ADGRB3: variants seen among roughly 807,000 people sequenced by gnomAD.
ADGRB3 encodes the protein adhesion G protein-coupled receptor B3.
Under a neutral mutation model 193.4 loss-of-function variants are expected in ADGRB3, and 37 were observed. That is an observed-to-expected ratio of 0.19 (90% CI 0.15 to 0.25). The LOEUF (loss-of-function observed/expected upper bound fraction) is 0.25, where lower values mean the gene tolerates loss of function less well. Ranked by LOEUF, ADGRB3 falls within the 10% of genes least tolerant of loss-of-function variation. The pLI is 1.00. For synonymous variants in ADGRB3, 690 were observed against 644.2 expected, an observed-to-expected ratio of 1.07 and a Z score of -1.08; for missense variants, 1,637 against 1,852.9, an observed-to-expected ratio of 0.88 and a Z score of 2.14.
Position 69,211,157 on chromosome 6 carries a change from A to G in ADGRB3, c.2481-22133A>G, listed in dbSNP as rs1765659389. On this transcript the variant is annotated intron_variant, in intron 17 of 31. Coordinates refer to ENST00000370598, the MANE Select transcript of ADGRB3 (RefSeq NM_001704.3). ...AAAGAAATATAAGCAGAAGTTGTGT[A>G]TGTGACTTTCAGGACATATTCTTAA... Among the ~76,000 whole-genome samples, 2 of 152,120 alleles carry G rather than the reference A, an allele frequency of 1.3e-5. 1 individual carries two copies. Among genetic ancestry groups the G allele is most frequent in the South Asian group, 4.1e-4 (2 of 4,832 alleles).
At chr6:68,968,272 C>T (rs1768443549) in intron 8 of ADGRB3, among the ~76,000 whole-genome samples, 1 of 152,206 alleles carries the variant, frequency 6.6e-6, no homozygotes, top group South Asian at 2.1e-4. Flanking sequence ...TTTGCAATGA[C>T]CACATTTTCT....
At chr6:69,224,370 T>C (rs1253845146) in intron 17 of ADGRB3, among the ~76,000 whole-genome samples, 1 of 152,162 alleles carries the variant, frequency 6.6e-6, no homozygotes, top group African/African-American at 2.4e-5. Context: ...TTTAGTTAAA[T>C]AATTCTGCTT....
intron 24 of ADGRB3, 121 bp from the exon 25 acceptor site, chr6:69,338,795 A>G: frequency 1.2e-6 from 1 of 810,146 alleles, no homozygotes; most frequent in Non-Finnish European, 2.1e-6. Context: ...TAGAGCATAC[A>G]TTTTTGATAA....
intron 17 of ADGRB3, among the ~76,000 whole-genome samples, chr6:69,090,697 A>C (rs1164930644): frequency 6.6e-6 from 1 of 152,330 alleles, no homozygotes; most frequent in East Asian, 1.9e-4. Flanking sequence ...TTTCATTAGC[A>C]AAGGGCTATA....
At chr6:68,893,224 C>A (rs1457304349) in intron 3 of ADGRB3, among the ~76,000 whole-genome samples, 2 of 151,902 alleles carry the variant, frequency 1.3e-5, no homozygotes, top group African/African-American at 4.8e-5. Flanking sequence ...AGACTATTAC[C>A]CAGAAAATAG....
At chr6:69,355,236 G>A (rs1206837207) in intron 27 of ADGRB3, among the ~76,000 whole-genome samples, 2 of 152,086 alleles carry the variant, frequency 1.3e-5, no homozygotes, top group Non-Finnish European at 2.9e-5. Context: ...AAAATATGAG[G>A]TCACAACTAA....
intron 3 of ADGRB3, among the ~76,000 whole-genome samples, chr6:68,645,921 G>A (rs1768201828): frequency 6.6e-6 from 1 of 151,832 alleles, no homozygotes; most frequent in Non-Finnish European, 1.5e-5. Flanking sequence ...TGATCCACCT[G>A]CCTCGGCCTC....
At chr6:68,861,252 C>G (rs1765143100) in intron 3 of ADGRB3, among the ~76,000 whole-genome samples, 15 of 152,124 alleles carry the variant, frequency 9.9e-5, no homozygotes, top group Admixed American at 9.8e-4. Context: ...GGTTTGCAAC[C>G]CAACTTCACT....
chr6:69,302,603 T>G (rs1257841801), intron 20 of ADGRB3, among the ~76,000 whole-genome samples: 2 of 151,902 alleles, frequency 1.3e-5, no homozygotes, highest in Admixed American at 6.6e-5. Context: ...ATAAAAATAT[T>G]TAAAGCTATT....
At chr6:69,329,314 T>C (rs1768654756) in intron 22 of ADGRB3, among the ~76,000 whole-genome samples, 1 of 152,188 alleles carries the variant, frequency 6.6e-6, no homozygotes, top group Non-Finnish European at 1.5e-5. Flanking sequence ...AAAGTACGGT[T>C]TTATCTTTCT....
At chr6:68,687,154 A>G (rs1052381378) in intron 3 of ADGRB3, among the ~76,000 whole-genome samples, 1 of 152,034 alleles carries the variant, frequency 6.6e-6, no homozygotes, top group Non-Finnish European at 1.5e-5. Flanking sequence ...TACATGTGGT[A>G]GAATTTCTAA....
intron 3 of ADGRB3, among the ~76,000 whole-genome samples, chr6:68,828,558 G>A (rs1483328586): frequency 6.6e-6 from 1 of 152,114 alleles, no homozygotes; most frequent in African/African-American, 2.4e-5. Flanking sequence ...GTTGGTCAGG[G>A]ATGTGGGAGA....
chr6:68,927,956 T>A (rs1283148217), intron 3 of ADGRB3, among the ~76,000 whole-genome samples: 1 of 152,152 alleles, frequency 6.6e-6, no homozygotes, highest in Non-Finnish European at 1.5e-5. Flanking sequence ...GAAGAATTTC[T>A]TATCGCAAAT....
rs1768889153 is a variant in ADGRB3, at chr6:69,338,013, T to A, written c.3189-903T>A. Among the ~76,000 whole-genome samples the A allele has an allele frequency of 2.0e-5, 3 of 152,218 alleles. 1 individual carries two copies. Among genetic ancestry groups the A allele is most frequent in the Admixed American group, 6.6e-5 (1 of 15,264 alleles). The stretch of plus-strand genomic sequence containing the variant: ...ATTTTTAATTCAAGTAATTTCTTTT[T>A]GGTTTTTCCTAAAAGGTTTATTTTC... On this transcript the variant is annotated intron_variant, in intron 24 of 31. Transcript: ENST00000370598.
intron 17 of ADGRB3, among the ~76,000 whole-genome samples, chr6:69,189,182 A>T (rs1432220243): frequency 2.0e-5 from 3 of 152,164 alleles, no homozygotes; most frequent in Admixed American, 6.6e-5. Context: ...AATGTCAGAA[A>T]CTCTTAAATT....
At chr6:69,034,102 T>C (rs921844876) in intron 13 of ADGRB3, among the ~76,000 whole-genome samples, 12 of 152,026 alleles carry the variant, frequency 7.9e-5, no homozygotes, top group Admixed American at 6.6e-4. Flanking sequence ...TTTATTACTA[T>C]AAAATGTTTA....
At chr6:69,118,628 T>C (rs927952656) in intron 17 of ADGRB3, among the ~76,000 whole-genome samples, 1 of 151,828 alleles carries the variant, frequency 6.6e-6, no homozygotes, top group Non-Finnish European at 1.5e-5. Context: ...TCAGTCTCTG[T>C]AGTAGAGGGT....
intron 17 of ADGRB3, among the ~76,000 whole-genome samples, chr6:69,107,096 G>A (rs1005867175): frequency 6.6e-6 from 1 of 151,990 alleles, no homozygotes; most frequent in African/African-American, 2.4e-5. Flanking sequence ...AAAAGTCTAA[G>A]TAAATCTGTG....
At chr6:68,968,613 G>T (rs1477396816) in intron 8 of ADGRB3, among the ~76,000 whole-genome samples, 1 of 152,204 alleles carries the variant, frequency 6.6e-6, no homozygotes. Flanking sequence ...ATAAACAGAA[G>T]TGGGATGTAT....
Sources: gnomAD v4.1 joint callset for allele counts (sites outside exome capture counted in the v4.1 genomes callset) on GRCh38, gnomAD v4.1.1 for gene constraint, MANE v1.5 for transcripts, NCBI Gene and HGNC (gene_info 2026-07-23, HGNC 2026-07-21) for gene names.